Variants in PRMT8 observed in about 807,000 individuals in gnomAD.
PRMT8 encodes protein arginine N-methyltransferase 8.
In PRMT8, 7 loss-of-function variants were observed where a neutral mutation model predicts 47.1. The observed-to-expected ratio is 0.15, with a 90% confidence interval of 0.08 to 0.28. The LOEUF (loss-of-function observed/expected upper bound fraction) is 0.28. PRMT8 is among the 10% of genes least tolerant of loss of function. PRMT8 has a pLI of 1.00. For synonymous variants in PRMT8, 188 were observed against 186.5 expected (o/e 1.01, Z -0.07); for missense variants, 237 against 505.4 (o/e 0.47, Z 5.09).
intron 1 of PRMT8, among the ~76,000 whole-genome samples, chr12:3,402,452 C>G (rs1864327097): frequency 6.6e-6 from 1 of 152,106 alleles, no homozygotes; most frequent in Non-Finnish European, 1.5e-5. Context: ...AAAGCAATTG[C>G]AACAAAAGCA....
chr12:3,559,784 C>G (rs1007429995), intron 4 of PRMT8, among the ~76,000 whole-genome samples: 1 of 152,222 alleles, frequency 6.6e-6, no homozygotes, highest in Non-Finnish European at 1.5e-5. Flanking sequence ...TGGGCACCCT[C>G]CTCTGCTTGA....
intron 2 of PRMT8, among the ~76,000 whole-genome samples, chr12:3,548,962 C>T (rs1057176445): frequency 1.3e-5 from 2 of 152,184 alleles, no homozygotes; most frequent in Middle Eastern, 6.8e-3. Context: ...AAGGGAATAC[C>T]ATACAACAAC....
At chr12:3,523,056 C>T (rs887086545) in intron 1 of PRMT8, among the ~76,000 whole-genome samples, 3 of 152,080 alleles carry the variant, frequency 2.0e-5, no homozygotes, top group Non-Finnish European at 4.4e-5. Flanking sequence ...AAAACCTCCA[C>T]CCCCCAAACC....
intron 1 of PRMT8, among the ~76,000 whole-genome samples, chr12:3,452,964 TCAAA>T (rs1864936987): frequency 1.3e-5 from 2 of 152,228 alleles, no homozygotes; most frequent in Middle Eastern, 3.4e-3. Flanking sequence ...ACTTGGCATT[TCAAA>T]CAAACAAAAA....
At chr12:3,460,346 C>T (rs1013297840) in intron 1 of PRMT8, among the ~76,000 whole-genome samples, 1 of 152,206 alleles carries the variant, frequency 6.6e-6, no homozygotes, top group African/African-American at 2.4e-5. Flanking sequence ...ACGTCCCTGT[C>T]ATTCCTAGGA....
intron 1 of PRMT8, among the ~76,000 whole-genome samples, chr12:3,389,404 G>T (rs1212326698): frequency 6.6e-6 from 1 of 152,082 alleles, no homozygotes. Flanking sequence ...TTGGTCCTCT[G>T]CTACTCCTCC....
At chr12:3,586,748 C>G (rs1359712324) in intron 8 of PRMT8, among the ~76,000 whole-genome samples, 1 of 152,188 alleles carries the variant, frequency 6.6e-6, no homozygotes, top group Non-Finnish European at 1.5e-5. Context: ...CTGCCCTGAA[C>G]CAGAGGGTTG....
chr12:3,400,042 T>C (rs147570189), intron 1 of PRMT8, among the ~76,000 whole-genome samples: 23 of 152,206 alleles, frequency 1.5e-4, no homozygotes, highest in African/African-American at 2.9e-4. Flanking sequence ...TAGCACTAAA[T>C]ACCCACATTG....
In PRMT8 at chr12:3,436,923, G is replaced by A. The variant is rs1041636355; in HGVS notation, c.48+55481G>A. 3.9e-5 allele frequency among the ~76,000 whole-genome samples: 6 copies of A among 152,238 alleles called. No homozygotes were observed. The highest frequency in any genetic ancestry group is 6.5e-5 in the Admixed American group (1 of 15,286). ...CTGGTGGGGTGTCCCAGTGGATGGCGAGAGTTTGGTAGGTTCAATTTGATT... is the reference window on the plus strand; with the variant it reads ...CTGGTGGGGTGTCCCAGTGGATGGCAAGAGTTTGGTAGGTTCAATTTGATT... On this transcript the variant is annotated intron_variant, in intron 1 of 9. Coordinates refer to the PRMT8 transcript ENST00000452611. The surrounding 1 kb of genome is among the most constrained non-coding windows in gnomAD (Gnocchi z 4.2).
chr12:3,521,987 C>G (rs745785436), intron 1 of PRMT8, among the ~76,000 whole-genome samples: 32 of 152,142 alleles, frequency 2.1e-4, no homozygotes, highest in Admixed American at 6.6e-5. Context: ...ATGGGATTAC[C>G]ACACCCCTTG....
chr12:3,404,720 C>G (rs1472567992), intron 1 of PRMT8, among the ~76,000 whole-genome samples: 1 of 152,118 alleles, frequency 6.6e-6, no homozygotes, highest in Non-Finnish European at 1.5e-5. Context: ...GGTCCATTAT[C>G]AGTGATTGAG....
chr12:3,424,137 G>A (rs1480358576), intron 1 of PRMT8, among the ~76,000 whole-genome samples: 1 of 152,192 alleles, frequency 6.6e-6, no homozygotes. Context: ...ATCATAGAAA[G>A]TTTGAAACAC....
intron 1 of PRMT8, among the ~76,000 whole-genome samples, chr12:3,461,121 A>T (rs1255224947): frequency 6.6e-6 from 1 of 152,132 alleles, no homozygotes; most frequent in Non-Finnish European, 1.5e-5. Context: ...CATTTCTTAG[A>T]TACCTCCTCT....
chr12:3,522,216 A>G (rs1865889165), intron 1 of PRMT8, among the ~76,000 whole-genome samples: 1 of 152,012 alleles, frequency 6.6e-6, no homozygotes, highest in Admixed American at 6.5e-5. Context: ...CCTACTATAA[A>G]ACTCAAAAAC....
At chr12:3,487,352 C>T (rs1174823187), upstream of PRMT8, among the ~76,000 whole-genome samples, 4 of 58 alleles carry the variant, frequency 0.069, no homozygotes, top group East Asian at 0.5. Flanking sequence ...CAGCATGGTC[C>T]GCAGTTAAAA....
intron 1 of PRMT8, among the ~76,000 whole-genome samples, chr12:3,418,664 C>G (rs906855192): frequency 6.6e-6 from 1 of 152,144 alleles, no homozygotes; most frequent in Non-Finnish European, 1.5e-5. Context: ...CTCTAGCTAC[C>G]TCACCCCACT....
Position 3,538,495 on chromosome 12 carries a change from C to T in PRMT8, c.76-2111C>T, listed in dbSNP as rs537582688. ...CCGTTTCCCACCCACTCCCAGCCTC[C>T]GGGGAGTCTTAGCCTGTGGAGTCCC... On this transcript the variant is annotated intron_variant, in intron 1 of 9. Coordinates refer to ENST00000382622, the MANE Select transcript of PRMT8 (RefSeq NM_019854.5). This position sits in a 1 kb window ranked among gnomAD's most constrained non-coding sequence, Gnocchi z 4.6. 14 of 387,224 alleles carry T rather than the reference C, an allele frequency of 3.6e-5. No individual in the cohort carries two copies. The highest frequency in any genetic ancestry group is 4.6e-5 in the Non-Finnish European group (9 of 196,266). The allele number at this position is 387,224 out of a possible 1,614,324, so 24.0% of individuals were successfully genotyped here.
intron 1 of PRMT8, among the ~76,000 whole-genome samples, chr12:3,536,719 G>T (rs1341446597): frequency 6.6e-6 from 1 of 152,222 alleles, no homozygotes; most frequent in Non-Finnish European, 1.5e-5. Flanking sequence ...GGTTGACTTT[G>T]TTTCGGAGCC....
intron 1 of PRMT8, among the ~76,000 whole-genome samples, chr12:3,419,529 TC>T (rs1452155851): frequency 2.6e-5 from 4 of 152,154 alleles, no homozygotes; most frequent in Non-Finnish European, 5.9e-5. Flanking sequence ...GCTTGACTTC[TC>T]CCCTTTGCCC....
Sources: gnomAD v4.1 joint callset for allele counts (sites outside exome capture counted in the v4.1 genomes callset) on GRCh38, gnomAD v4.1.1 for gene constraint, Gnocchi (gnomAD v3.1) non-coding constraint, MANE v1.5 for transcripts, NCBI Gene and HGNC (gene_info 2026-07-23, HGNC 2026-07-21) for gene names.